DPF3: variants seen among roughly 807,000 people sequenced by gnomAD.
The protein encoded by DPF3 is zinc finger protein DPF3.
In DPF3, 18 loss-of-function variants were observed where a neutral mutation model predicts 56.8. The ratio of observed to expected loss-of-function variants is 0.32; its 90% CI spans 0.22 to 0.47. The LOEUF (loss-of-function observed/expected upper bound fraction) is 0.47, where lower values mean the gene tolerates loss of function less well. Among genes scored for constraint, DPF3 ranks in the 20% least tolerant of loss-of-function variants. The pLI is 1.00. For synonymous variants in DPF3, 188 were observed against 180.2 expected (o/e 1.04, Z -0.35); for missense variants, 403 against 488.8 (o/e 0.82, Z 1.65).
At chr14:72,712,852 G>A (rs1257362483) in intron 6 of DPF3, among the ~76,000 whole-genome samples, 1 of 152,242 alleles carries the variant, frequency 6.6e-6, no homozygotes, top group South Asian at 2.1e-4. Context: ...TCCAGCCTGG[G>A]TGACAACGCA....
chr14:72,791,081 G>A (rs2139982178), intron 1 of DPF3, among the ~76,000 whole-genome samples: 1 of 152,224 alleles, frequency 6.6e-6, no homozygotes, highest in Middle Eastern at 3.4e-3. Context: ...GCTCCTGTGG[G>A]CCAGCCCTCT....
At chr14:72,741,915 T>C (rs1469769269) in intron 3 of DPF3, among the ~76,000 whole-genome samples, 1 of 152,204 alleles carries the variant, frequency 6.6e-6, no homozygotes, top group Non-Finnish European at 1.5e-5. Flanking sequence ...CGTGCCACTG[T>C]CCTGCCCACT....
intron 1 of DPF3, among the ~76,000 whole-genome samples, chr14:72,791,344 A>G (rs1892423296): frequency 6.6e-6 from 1 of 152,130 alleles, no homozygotes; most frequent in South Asian, 2.1e-4. Context: ...TGGTCACTGC[A>G]GCTGCCTCAC....
At chr14:72,885,297 GT>G (rs968552569) in intron 1 of DPF3, among the ~76,000 whole-genome samples, 3 of 151,816 alleles carry the variant, frequency 2.0e-5, no homozygotes, top group Admixed American at 2.0e-4. Context: ...TTAGGTTTGG[GT>G]TTTTTTGTTT....
intron 3 of DPF3, among the ~76,000 whole-genome samples, chr14:72,743,750 C>A (rs763885290): frequency 6.6e-6 from 1 of 152,226 alleles, no homozygotes; most frequent in East Asian, 1.9e-4. Flanking sequence ...AGCTCCACTC[C>A]CCCTTCACAA....
chr14:72,683,961 C>T (rs1193191567), intron 7 of DPF3, among the ~76,000 whole-genome samples: 2 of 152,214 alleles, frequency 1.3e-5, no homozygotes, highest in Non-Finnish European at 2.9e-5. Context: ...AAACACAGAC[C>T]CACAAGATGA....
chr14:72,768,810 A>G (rs1891392168), intron 2 of DPF3, among the ~76,000 whole-genome samples: 1 of 152,162 alleles, frequency 6.6e-6, no homozygotes, highest in Non-Finnish European at 1.5e-5. Flanking sequence ...TTGGCTGCAC[A>G]TGTTTAATGG....
At position 72,651,627 on chromosome 14, in the gene DPF3, G is replaced by A. The variant is rs150084173; in HGVS notation, c.872-21891C>T. Among the ~76,000 whole-genome samples the A allele has an allele frequency of 3.7e-3, 563 of 152,312 alleles. 2 individuals are homozygous for A. Among genetic ancestry groups the A allele is most frequent in the Non-Finnish European group, 5.5e-3 (374 of 68,030 alleles). ...ATCTGACTAATACCAGGTTGTATTC[G>A]TTATTTGCAAAGATGGAGGTGGAAT... On this transcript the variant is annotated intron_variant, in intron 8 of 10. Transcript: ENST00000556509.
chr14:72,625,412 C>T (rs1056165183), intron 9 of DPF3, among the ~76,000 whole-genome samples: 16 of 152,044 alleles, frequency 1.1e-4, no homozygotes, highest in Admixed American at 7.9e-4. Context: ...GTCCTCTAGA[C>T]GCATGAAAAT....
intron 8 of DPF3, among the ~76,000 whole-genome samples, chr14:72,632,608 AAAGGAAGG>A (rs751348804): frequency 6.8e-6 from 1 of 147,296 alleles, no homozygotes; most frequent in African/African-American, 2.5e-5. Flanking sequence ...GGGAAGGAAG[AAAGGAAGG>A]AAGGAAGGAA....
In DPF3 at chr14:72,615,435, G is replaced by A. The variant is rs770212840; in HGVS notation, c.*3862C>T. ...CTTAAAACATCAAAACTTTTTAAGC[G>A]GAGGGTTGAAAGGAAGCGGGCTGTA... On this transcript the variant is annotated 3_prime_UTR_variant, in exon 11 of 11. Coordinates refer to ENST00000556509, the MANE Select transcript of DPF3 (RefSeq NM_001280542.3). Among the ~76,000 whole-genome samples, 20 of 152,176 alleles carry A rather than the reference G, an allele frequency of 1.3e-4. No homozygotes were observed. The highest frequency in any genetic ancestry group is 3.4e-4 in the African/African-American group (14 of 41,440).
Position 72,614,569 on chromosome 14 carries a change from A to C in DPF3, c.*4728T>G, listed in dbSNP as rs1241204311. Among the ~76,000 whole-genome samples the C allele has an allele frequency of 6.6e-6, 1 of 151,966 alleles. No individual in the cohort carries two copies. Among genetic ancestry groups the C allele is most frequent in the African/African-American group, 2.4e-5 (1 of 41,386 alleles). On this transcript the variant is annotated 3_prime_UTR_variant, in exon 11 of 11. Transcript: ENST00000556509. Reference sequence around the variant, plus strand: ...GAAATGCTTCACTCCCCAAGGCTGCAGGCATGATCCAGCCCTCCCTCACTG... The same window carrying C: ...GAAATGCTTCACTCCCCAAGGCTGCCGGCATGATCCAGCCCTCCCTCACTG...
At chr14:72,666,288 T>C (rs575514831) in intron 8 of DPF3, among the ~76,000 whole-genome samples, 1 of 152,220 alleles carries the variant, frequency 6.6e-6, no homozygotes, top group African/African-American at 2.4e-5. Context: ...ACTTAGACAT[T>C]GCTACTTCTC....
intron 3 of DPF3, among the ~76,000 whole-genome samples, chr14:72,733,063 C>CA (rs1163507729): frequency 2.6e-5 from 4 of 152,152 alleles, no homozygotes; most frequent in African/African-American, 9.7e-5. Flanking sequence ...TCCCAAAGCA[C>CA]TGGGGTTATA....
intron 1 of DPF3, among the ~76,000 whole-genome samples, chr14:72,874,305 C>T (rs1401735076): frequency 6.6e-6 from 1 of 151,594 alleles, no homozygotes; most frequent in Non-Finnish European, 1.5e-5. Flanking sequence ...AGTGAAACCC[C>T]GTCTCTATTA....
intron 1 of DPF3, among the ~76,000 whole-genome samples, chr14:72,782,811 C>T (rs928250840): frequency 2.6e-5 from 4 of 151,056 alleles, no homozygotes; most frequent in African/African-American, 7.3e-5. Flanking sequence ...CCAGCCTGGG[C>T]GACAGAGCGA....
chr14:72,842,798 C>T (rs1176447876), intron 1 of DPF3, among the ~76,000 whole-genome samples: 1 of 152,120 alleles, frequency 6.6e-6, no homozygotes, highest in Non-Finnish European at 1.5e-5. Context: ...CCGAGGCAGG[C>T]GGATCACGAG....
chr14:72,660,849 C>G (rs971579292), intron 8 of DPF3, among the ~76,000 whole-genome samples: 1 of 152,220 alleles, frequency 6.6e-6, no homozygotes, highest in African/African-American at 2.4e-5. Flanking sequence ...TGTTCACTTT[C>G]CAGGCCACCA....
At chr14:72,874,944 G>T (rs1886053392) in intron 1 of DPF3, among the ~76,000 whole-genome samples, 1 of 152,304 alleles carries the variant, frequency 6.6e-6, no homozygotes, top group South Asian at 2.1e-4. Flanking sequence ...GGAAGAAAAA[G>T]AGTTTTAATT....
Sources: allele counts gnomAD v4.1 joint callset (sites outside exome capture counted in the v4.1 genomes callset), GRCh38; gene constraint gnomAD v4.1.1; transcripts MANE v1.5; gene names NCBI Gene and HGNC (gene_info 2026-07-23, HGNC 2026-07-21).